TRAPPC6A: variants seen among roughly 807,000 people sequenced by gnomAD.
TRAPPC6A encodes trafficking protein particle complex subunit 6A, also known as TRAPP complex subunit 6A.
Under a neutral mutation model 20.8 loss-of-function variants are expected in TRAPPC6A, and 25 were observed. The ratio of observed to expected loss-of-function variants is 1.20; its 90% CI spans 0.88 to 1.68. The LOEUF (loss-of-function observed/expected upper bound fraction) is 1.68. Among genes scored for constraint, TRAPPC6A ranks in the 40% most tolerant of loss-of-function variants. The probability of loss-of-function intolerance (pLI) is 0.00; values close to 1 mark genes in which losing one functional copy is unlikely to be tolerated. For missense variants in TRAPPC6A, 215 were observed against 211.6 expected (o/e 1.02, Z -0.10); for synonymous variants, 96 against 93.3 (o/e 1.03, Z -0.16).
intron 1 of TRAPPC6A, among the ~76,000 whole-genome samples, chr19:45,170,315 G>A (rs1017179706): frequency 7.9e-5 from 12 of 152,204 alleles, no homozygotes; most frequent in African/African-American, 2.7e-4. Context: ...TGCAATGGCC[G>A]GCTTCACTAT....
chr19:45,176,855 A>C (rs1401008189), intron 1 of TRAPPC6A, among the ~76,000 whole-genome samples: 10 of 149,680 alleles, frequency 6.7e-5, no homozygotes, highest in Admixed American at 4.0e-4. Context: ...AAAATGGTGA[A>C]ACCCCGTATC....
At position 45,178,042 on chromosome 19, in the gene TRAPPC6A, G is replaced by A. The variant is rs764875961; in HGVS notation, c.84+93C>T. The A allele has an allele frequency of 5.0e-6, 8 of 1,588,928 alleles. No homozygotes were observed. In the South Asian group the frequency reaches 7.9e-5, roughly 16 times the overall value. On this transcript the variant is annotated intron_variant, in intron 1 of 5. Coordinates refer to ENST00000585934, the MANE Select transcript of TRAPPC6A (RefSeq NM_001270891.2). ...TGCCCTGCAAGGCCGGGGCTGGGCC[G>A]GGTTCGAACCCGGACGCCTGACGCG...
rs1429193611 is a variant in TRAPPC6A, at chr19:45,172,507, G to A, written c.84+5628C>T. 6.6e-6 allele frequency among the ~76,000 whole-genome samples: 1 copy of A among 151,626 alleles called. No individual in the cohort carries two copies. Among genetic ancestry groups the A allele is most frequent in the Admixed American group, 6.6e-5 (1 of 15,260 alleles). On this transcript the variant is annotated intron_variant, in intron 1 of 5. Transcript: ENST00000585934. This position sits in a 1 kb window ranked among gnomAD's most constrained non-coding sequence, Gnocchi z 4.2. ...CTGTGCCAGGCCCAGGGGTGTGGTG[G>A]GGAACCCAGGGAAGGAGCAGCCCTG...
intron 1 of TRAPPC6A, among the ~76,000 whole-genome samples, chr19:45,170,008 G>A (rs1231769629): frequency 6.6e-6 from 1 of 152,196 alleles, no homozygotes; most frequent in Non-Finnish European, 1.5e-5. Flanking sequence ...AATCTGGGAA[G>A]GGCTGGGAGA....
intron 1 of TRAPPC6A, among the ~76,000 whole-genome samples, chr19:45,168,583 A>G (rs1387609029): frequency 6.6e-6 from 1 of 152,188 alleles, no homozygotes; most frequent in Middle Eastern, 3.2e-3. Flanking sequence ...GAGAACCCAC[A>G]ACCACCACCC....
intron 3 of TRAPPC6A, among the ~76,000 whole-genome samples, chr19:45,164,494 T>C (rs1431716023): frequency 6.6e-6 from 1 of 152,072 alleles, no homozygotes; most frequent in Admixed American, 6.5e-5. Flanking sequence ...GCAGAAAAGC[T>C]GGGGACCCGG....
In TRAPPC6A at chr19:45,163,569, G is replaced by T. The variant is rs1047051615; in HGVS notation, c.449-346C>A. On this transcript the variant is annotated intron_variant, in intron 5 of 5. Coordinates refer to ENST00000585934, the MANE Select transcript of TRAPPC6A (RefSeq NM_001270891.2). The surrounding 1 kb of genome is among the most constrained non-coding windows in gnomAD (Gnocchi z 5.3). The stretch of plus-strand genomic sequence containing the variant: ...GGTGGGGCAGGCTGTCCCCAGGCAG[G>T]AATGGGGCTCCAGCTTGTCTGACAG... 3.9e-5 allele frequency among the ~76,000 whole-genome samples: 6 copies of T among 152,126 alleles called. No individual in the cohort carries two copies. Among genetic ancestry groups the T allele is most frequent in the Admixed American group, 2.0e-4 (3 of 15,284 alleles).
intron 1 of TRAPPC6A, among the ~76,000 whole-genome samples, chr19:45,167,302 A>C (rs1355822333): frequency 6.6e-6 from 1 of 152,216 alleles, no homozygotes; most frequent in Non-Finnish European, 1.5e-5. Context: ...TGATGAAACC[A>C]ATTTCACGCA....
At chr19:45,171,861 A>G (rs967754268) in intron 1 of TRAPPC6A, among the ~76,000 whole-genome samples, 4 of 152,232 alleles carry the variant, frequency 2.6e-5, no homozygotes, top group African/African-American at 9.6e-5. Context: ...GGATGAACGG[A>G]AAAAGCAAAC....
In TRAPPC6A at chr19:45,163,742, G is replaced by A. The variant is rs1228138594; in HGVS notation, c.448+174C>T. On this transcript the variant is annotated intron_variant, in intron 5 of 5. Coordinates refer to ENST00000585934, the MANE Select transcript of TRAPPC6A (RefSeq NM_001270891.2). This position sits in a 1 kb window ranked among gnomAD's most constrained non-coding sequence, Gnocchi z 5.3. ...ACCGCCAGACAGTTCTCTCTGCAGGGCTGGCGACGTCACGGAGCCAGGGGC... is the reference window on the plus strand; with the variant it reads ...ACCGCCAGACAGTTCTCTCTGCAGGACTGGCGACGTCACGGAGCCAGGGGC... Among the ~76,000 whole-genome samples the A allele has an allele frequency of 6.6e-6, 1 of 152,152 alleles. No homozygotes were observed. Among genetic ancestry groups the A allele is most frequent in the Non-Finnish European group, 1.5e-5 (1 of 68,026 alleles).
intron 1 of TRAPPC6A, among the ~76,000 whole-genome samples, chr19:45,166,515 C>CTTT (rs1445580488): frequency 3.6e-5 from 5 of 137,154 alleles, no homozygotes; most frequent in Non-Finnish European, 1.6e-5. Context: ...GGCCATGGAT[C>CTTT]TTTTTTTTTT....
chr19:45,164,779 CG>C (rs1181489602), intron 3 of TRAPPC6A, 73 bp downstream of exon 3: 2 of 1,421,364 alleles, frequency 1.4e-6, no homozygotes, highest in Non-Finnish European at 2.0e-6. Context: ...GCTCTGGCGC[CG>C]GGGGATTCCC....
chr19:45,165,118 C>G lies in TRAPPC6A; in HGVS notation c.152+9G>C, dbSNP rs200507838. On this transcript the variant is annotated intron_variant, in intron 2 of 5. Transcript: ENST00000585934. ...CAGGCTGGGGGAGAGCAGGAGGGGC[C>G]GCGCTCACCTCTCGCCTAGAGCCTG... is the stretch of plus-strand genomic sequence containing the variant. The G allele has an allele frequency of 6.2e-7, 1 of 1,612,268 alleles. No homozygotes were observed.
chr19:45,164,997 C>T (rs752614982), intron 2 of TRAPPC6A, 27 bp from the exon 3 acceptor site: 25 of 1,612,498 alleles, frequency 1.6e-5, no homozygotes, highest in East Asian at 6.7e-5. Flanking sequence ...AAGCTGAGGC[C>T]GTGGGGCCAG....
chr19:45,166,510 T>C (rs62118469), intron 1 of TRAPPC6A, among the ~76,000 whole-genome samples: 38,732 of 149,434 alleles, frequency 0.26, 5,855 homozygotes, highest in Non-Finnish European at 0.34. Context: ...CACCTGGCCA[T>C]GGATCTTTTT....
At chr19:45,177,218 C>CAG (rs1452668212) in intron 1 of TRAPPC6A, among the ~76,000 whole-genome samples, 1 of 146,124 alleles carries the variant, frequency 6.8e-6, no homozygotes, top group Non-Finnish European at 1.5e-5. Context: ...CACACACACA[C>CAG]AGTCCCGGGC....
chr19:45,165,047 G>C, intron 2 of TRAPPC6A, 77 bp from the exon 3 acceptor site: 1 of 1,609,472 alleles, frequency 6.2e-7, no homozygotes. Context: ...CTCCTGCATG[G>C]AGCAATGCAA....
At position 45,164,018 on chromosome 19, in the gene TRAPPC6A, G is replaced by A; in HGVS notation, c.355-9C>T. 2 of 1,567,678 alleles carry A rather than the reference G, an allele frequency of 1.3e-6. No homozygotes were observed. Among genetic ancestry groups the A allele is most frequent in the South Asian group, 1.2e-5 (1 of 85,180 alleles). ...CAGGTGAAGGCCAGGAACTGAGGAG[G>A]GAACACAGACCAGCATGGGAAGAGA... On this transcript the variant is annotated splice_polypyrimidine_tract_variant and intron_variant, in intron 4 of 5. Transcript: ENST00000585934.
intron 1 of TRAPPC6A, among the ~76,000 whole-genome samples, chr19:45,166,895 G>T (rs963564632): frequency 2.0e-5 from 3 of 152,190 alleles, no homozygotes; most frequent in African/African-American, 7.2e-5. Context: ...CCTGGAGCGG[G>T]TCTCCCAGCC....
Sources: allele counts gnomAD v4.1 joint callset (sites outside exome capture counted in the v4.1 genomes callset), GRCh38; gene constraint gnomAD v4.1.1; non-coding constraint Gnocchi (gnomAD v3.1); transcripts MANE v1.5; gene names NCBI Gene and HGNC (gene_info 2026-07-23, HGNC 2026-07-21).